Variants in DISC1 observed in about 807,000 individuals in gnomAD.
DISC1 encodes the protein disrupted in schizophrenia 1 protein.
In DISC1, 57 loss-of-function variants were observed where a neutral mutation model predicts 84.5. The ratio of observed to expected loss-of-function variants is 0.67; its 90% CI spans 0.55 to 0.84. DISC1 has a LOEUF of 0.84. DISC1 is among the 40% of genes least tolerant of loss of function. The pLI is 0.00. For missense variants in DISC1, 1,000 were observed against 1,057.8 expected (o/e 0.95, Z 0.76); for synonymous variants, 411 against 415.2 (o/e 0.99, Z 0.12).
intron 1 of DISC1, among the ~76,000 whole-genome samples, chr1:231,654,397 T>C (rs2060894514): frequency 6.6e-6 from 1 of 152,200 alleles, no homozygotes; most frequent in African/African-American, 2.4e-5. Context: ...CATATATTTA[T>C]TCACTATGAA....
chr1:231,953,626 G>A (rs1267992903), intron 9 of DISC1, among the ~76,000 whole-genome samples: 2 of 152,196 alleles, frequency 1.3e-5, no homozygotes, highest in African/African-American at 4.8e-5. Context: ...CTAAGTGGGA[G>A]TTAATTTTAT....
intron 3 of DISC1, among the ~76,000 whole-genome samples, chr1:231,707,459 C>T (rs2067230025): frequency 6.6e-6 from 1 of 152,126 alleles, no homozygotes; most frequent in Non-Finnish European, 1.5e-5. Flanking sequence ...TCCTGGTATA[C>T]TAACAAAATC....
At chr1:231,817,079 A>G (rs906340634) in intron 8 of DISC1, among the ~76,000 whole-genome samples, 3 of 152,026 alleles carry the variant, frequency 2.0e-5, no homozygotes, top group African/African-American at 7.2e-5. Context: ...TCATGGGCTC[A>G]TTCTTCTAGA....
chr1:231,633,061 A>G (rs901796939), intron 1 of DISC1, among the ~76,000 whole-genome samples: 2 of 152,128 alleles, frequency 1.3e-5, no homozygotes, highest in Non-Finnish European at 2.9e-5. Context: ...ACAGAGAGAG[A>G]CTCCGTCAAA....
At chr1:231,691,983 A>G (rs200722622) in intron 1 of DISC1, among the ~76,000 whole-genome samples, 123 of 152,202 alleles carry the variant, frequency 8.1e-4, no homozygotes, top group Non-Finnish European at 1.5e-3. Flanking sequence ...GAAAAAAATG[A>G]AATGTTTCTT....
intron 3 of DISC1, among the ~76,000 whole-genome samples, chr1:231,746,002 T>C (rs374833777): frequency 4.6e-5 from 7 of 152,294 alleles, no homozygotes; most frequent in Admixed American, 3.3e-4. Context: ...TGCTCTCCCT[T>C]AGCCTTCTGC....
chr1:231,881,307 G>A (rs11122357), intron 9 of DISC1, among the ~76,000 whole-genome samples: 51,668 of 151,946 alleles, frequency 0.34, 8,953 homozygotes, highest in Middle Eastern at 0.41. Context: ...CTGTCGTGGA[G>A]GTTAGAAGTC....
At chr1:231,666,872 T>C (rs1160198050) in intron 1 of DISC1, among the ~76,000 whole-genome samples, 1 of 152,200 alleles carries the variant, frequency 6.6e-6, no homozygotes, top group Non-Finnish European at 1.5e-5. Context: ...AGGTGATTAG[T>C]AGTTCTCAGA....
At chr1:231,644,049 GT>G (rs1311297826) in intron 1 of DISC1, among the ~76,000 whole-genome samples, 2 of 152,230 alleles carry the variant, frequency 1.3e-5, no homozygotes, top group Admixed American at 1.3e-4. Flanking sequence ...AGAGAAAGAT[GT>G]TATTTTTAGT....
intron 8 of DISC1, among the ~76,000 whole-genome samples, chr1:231,807,447 A>G (rs2079828555): frequency 6.6e-6 from 1 of 151,788 alleles, no homozygotes; most frequent in South Asian, 2.1e-4. Context: ...TTTTTCTTCC[A>G]CTTTGTTTAA....
intron 4 of DISC1, chr1:231,750,458 C>A (rs752157763): frequency 6.0e-6 from 6 of 1,004,354 alleles, no homozygotes; most frequent in African/African-American, 1.7e-5. Context: ...TCTGACCGAG[C>A]GATGAAAATC....
At chr1:231,941,999 T>C (rs2091372067) in intron 9 of DISC1, among the ~76,000 whole-genome samples, 1 of 151,396 alleles carries the variant, frequency 6.6e-6, no homozygotes, top group South Asian at 2.1e-4. Context: ...AGACAGAGGA[T>C]GGGGAAAGAG....
intron 9 of DISC1, among the ~76,000 whole-genome samples, chr1:231,907,131 C>CTTTCTTTCTT (rs1334782802): frequency 2.4e-4 from 22 of 93,200 alleles, no homozygotes; most frequent in African/African-American, 1.1e-3. Flanking sequence ...TCCTTCCTTC[C>CTTTCTTTCTT]TCTTTCTTTC....
intron 9 of DISC1, among the ~76,000 whole-genome samples, chr1:231,846,303 A>G (rs1574233640): frequency 6.6e-6 from 1 of 152,210 alleles, no homozygotes; most frequent in Non-Finnish European, 1.5e-5. Flanking sequence ...GGCAAAGCCC[A>G]TGGAGGGGCC....
At position 231,839,357 on chromosome 1, in the gene DISC1, A is replaced by G. The variant is rs369140349; in HGVS notation, c.1981+20840A>G. 6.6e-5 allele frequency among the ~76,000 whole-genome samples: 10 copies of G among 152,322 alleles called. No homozygotes were observed. The East Asian group carries it at 1.7e-3, about 26-fold the overall frequency. ...TGACCTCTTAGGACCATGAGTAGAT[A>G]AAGTAATAATACATGTAACAATCTT... On this transcript the variant is annotated intron_variant, in intron 9 of 12. Coordinates refer to ENST00000439617, the MANE Select transcript of DISC1 (RefSeq NM_018662.3).
chr1:231,923,474 T>C (rs2090140838), intron 9 of DISC1, among the ~76,000 whole-genome samples: 1 of 152,186 alleles, frequency 6.6e-6, no homozygotes, highest in Admixed American at 6.5e-5. Context: ...GTTTAAATTT[T>C]GTTTCAAAAA....
At chr1:231,847,375 G>T (rs1346113616) in intron 9 of DISC1, among the ~76,000 whole-genome samples, 2 of 152,110 alleles carry the variant, frequency 1.3e-5, no homozygotes, top group African/African-American at 4.8e-5. Flanking sequence ...AGGGATTAGG[G>T]ATTCAACATA....
At chr1:231,731,236 A>G (rs535781480) in intron 3 of DISC1, among the ~76,000 whole-genome samples, 2 of 152,394 alleles carry the variant, frequency 1.3e-5, no homozygotes, top group South Asian at 4.1e-4. Context: ...TGCCCAGGAA[A>G]GAATTCAAGG....
chr1:231,854,120 C>A (rs1440880894), intron 9 of DISC1, among the ~76,000 whole-genome samples: 1 of 152,102 alleles, frequency 6.6e-6, no homozygotes, highest in Non-Finnish European at 1.5e-5. Flanking sequence ...ATACATAAAT[C>A]AACAACATGA....
Sources: allele counts gnomAD v4.1 joint callset (sites outside exome capture counted in the v4.1 genomes callset), GRCh38; gene constraint gnomAD v4.1.1; transcripts MANE v1.5; gene names NCBI Gene and HGNC (gene_info 2026-07-23, HGNC 2026-07-21).